Variants in ABCA5 observed in about 807,000 individuals in gnomAD.
ABCA5 encodes cholesterol transporter ABCA5.
A neutral mutation model predicts 206.0 loss-of-function variants in ABCA5; 163 were observed. The ratio of observed to expected loss-of-function variants is 0.79; its 90% CI spans 0.70 to 0.90. The LOEUF (loss-of-function observed/expected upper bound fraction) is 0.90, where lower values mean the gene tolerates loss of function less well. ABCA5 is among the 40% of genes least tolerant of loss of function. ABCA5 has a pLI of 0.00. For missense variants in ABCA5, 1,859 were observed against 1,912.9 expected (o/e 0.97, Z 0.53); for synonymous variants, 609 against 613.8 (o/e 0.99, Z 0.11).
chr17:69,271,650 C>T (rs2075275427), intron 20 of ABCA5, among the ~76,000 whole-genome samples: 1 of 151,914 alleles, frequency 6.6e-6, no homozygotes, highest in African/African-American at 2.4e-5. Flanking sequence ...GCTGCTGCTG[C>T]TGCTGCTGCC....
At chr17:69,282,038 G>A (rs917586023) in intron 18 of ABCA5, among the ~76,000 whole-genome samples, 1 of 152,046 alleles carries the variant, frequency 6.6e-6, no homozygotes, top group Non-Finnish European at 1.5e-5. Context: ...TGTTCTTACC[G>A]TAAACTGAAT....
chr17:69,264,699 C>G (rs780200161), intron 24 of ABCA5, 36 bp downstream of exon 24: 1 of 1,340,784 alleles, frequency 7.5e-7, no homozygotes, highest in Non-Finnish European at 9.8e-7. Flanking sequence ...AACATTCTAT[C>G]TATAAATAGC....
Position 69,251,865 on chromosome 17 carries a change from G to C in ABCA5, c.4417C>G (p.Arg1473Gly), listed in dbSNP as rs143193092. The C allele has an allele frequency of 6.2e-7, 1 of 1,612,010 alleles. No individual in the cohort carries two copies. Among genetic ancestry groups the C allele is most frequent in the South Asian group, 1.1e-5 (1 of 90,472 alleles). ...TTTTTAAATGCAGTTCGAATTGCTCGCCTATAAAACATAAATAAAACAAAA... is the reference window on the plus strand; with the variant it reads ...TTTTTAAATGCAGTTCGAATTGCTCCCCTATAAAACATAAATAAAACAAAA... The part of the protein sequence containing the change: ...MDPKAKQHMW[R>G]AIRTAFKNRK... Residue 1473 changes from arginine (R) to glycine (G), a missense_variant and splice_region_variant, in exon 35 of 39, where the codon CGA becomes GGA. Physicochemically the swap from Arg to Gly is moderately radical, Grantham distance 125. Coordinates refer to ENST00000392676, the MANE Select transcript of ABCA5 (RefSeq NM_172232.4).
At chr17:69,291,534 T>G (rs2075526411) in intron 11 of ABCA5, among the ~76,000 whole-genome samples, 2 of 152,226 alleles carry the variant, frequency 1.3e-5, no homozygotes, top group African/African-American at 4.8e-5. Context: ...TAAACTTTAT[T>G]TGTTCATACA....
In ABCA5 at chr17:69,260,364, C is replaced by T; in HGVS notation, c.3613G>A (p.Asp1205Asn). The change falls in exon 27 of 39, where the codon GAT (aspartate) becomes AAT (asparagine). Residue 1205 changes from aspartate (D) to asparagine (N), a missense_variant. Asp to Asn is a conservative substitution (Grantham distance 23, BLOSUM62 1). Coordinates refer to ENST00000392676, the MANE Select transcript of ABCA5 (RefSeq NM_172232.4). ...RKNVDTYNPW[D>N]RLSVAVISPY... The stretch of plus-strand genomic sequence containing the variant: ...GATATAACAGCTACTGAAAGCCTAT[C>T]CCATGGATTATAGGTGTCCACATTT... The T allele has an allele frequency of 1.9e-6, 3 of 1,607,604 alleles. No individual in the cohort carries two copies. Among genetic ancestry groups the T allele is most frequent in the Non-Finnish European group, 2.6e-6 (3 of 1,176,354 alleles).
At chr17:69,248,528 A>G in intron 37 of ABCA5, 1 of 317,410 alleles carries the variant, frequency 3.2e-6, no homozygotes, top group Non-Finnish European at 5.9e-6. Context: ...GTTGAATGTT[A>G]CTTGTCTTAT....
At position 69,246,875 on chromosome 17, in the gene ABCA5, T is replaced by C. The variant is rs1225922441; in HGVS notation, c.*662A>G. ...TATAATAACTAAAACCTTCTGAATT[T>C]TACTTTAAATTAAAGAAATGTAATT... On this transcript the variant is annotated 3_prime_UTR_variant, in exon 39 of 39. Coordinates refer to ENST00000392676, the MANE Select transcript of ABCA5 (RefSeq NM_172232.4). 6.6e-6 allele frequency: 1 copy of C among 151,950 alleles called. No individual in the cohort carries two copies. The highest frequency in any genetic ancestry group is 1.9e-4 in the East Asian group (1 of 5,204). 9.4% of individuals were successfully genotyped at this position (151,950 alleles called of 1,614,324 possible). A position where few individuals can be genotyped will look rare whatever the true frequency, so the allele number is the denominator to read the frequency against.
chr17:69,254,568 C>T (rs998840959), intron 31 of ABCA5, 78 bp from the exon 32 acceptor site: 5 of 1,095,218 alleles, frequency 4.6e-6, no homozygotes, highest in Non-Finnish European at 6.6e-6. Context: ...TTAATTAAAA[C>T]CCCTTCCTAC....
chr17:69,302,608 T>C (rs1406890779), intron 8 of ABCA5, 110 bp downstream of exon 8: 1 of 676,196 alleles, frequency 1.5e-6, no homozygotes, highest in Non-Finnish European at 2.1e-6. Context: ...CATGCTAAAA[T>C]TTTAAAATAA....
chr17:69,325,881 T>C (rs1474739963), intron 1 of ABCA5: 1 of 151,956 alleles, frequency 6.6e-6, no homozygotes, highest in Non-Finnish European at 1.5e-5. Flanking sequence ...TTATAGTGAA[T>C]GTAAGATTTC....
At chr17:69,311,851 C>A (rs936673359) in intron 3 of ABCA5, among the ~76,000 whole-genome samples, 3 of 152,108 alleles carry the variant, frequency 2.0e-5, no homozygotes, top group African/African-American at 7.2e-5. Flanking sequence ...AATTTCATTT[C>A]AACATTTTTA....
chr17:69,252,034 CG>C (rs1347281046), intron 34 of ABCA5, among the ~76,000 whole-genome samples, 168 bp from the exon 35 acceptor site: 7 of 61,464 alleles, frequency 1.1e-4, no homozygotes, highest in Non-Finnish European at 1.9e-4. Context: ...TTTTTTGAGA[CG>C]GAGTCTCGCT....
intron 2 of ABCA5, among the ~76,000 whole-genome samples, chr17:69,313,617 A>C (rs950524994): frequency 6.6e-6 from 1 of 152,174 alleles, no homozygotes; most frequent in African/African-American, 2.4e-5. Flanking sequence ...ATTTACTCAT[A>C]TAATTTTATC....
At chr17:69,325,072 AGTGGGAGG>A (rs779541839) in intron 1 of ABCA5, among the ~76,000 whole-genome samples, 1 of 150,762 alleles carries the variant, frequency 6.6e-6, no homozygotes, top group Non-Finnish European at 1.5e-5. Flanking sequence ...TGGCAATCCC[AGTGGGAGG>A]AAGGCTTGAG....
At chr17:69,313,880 T>C (rs1211752211) in intron 2 of ABCA5, among the ~76,000 whole-genome samples, 5 of 152,186 alleles carry the variant, frequency 3.3e-5, no homozygotes, top group African/African-American at 9.6e-5. Flanking sequence ...ACCCAAGTTC[T>C]TCCTTTCTTT....
chr17:69,277,979 T>C (rs2075352629), intron 18 of ABCA5, 137 bp from the exon 19 acceptor site: 1 of 613,848 alleles, frequency 1.6e-6, no homozygotes, highest in Non-Finnish European at 2.6e-6. Context: ...TCTGGCAGTA[T>C]CTATTAAAGC....
Position 69,254,354 on chromosome 17 carries a change from T to G in ABCA5, c.4205A>C (p.Lys1402Thr), listed in dbSNP as rs1414509999. 2.5e-6 allele frequency: 4 copies of G among 1,613,400 alleles called. No individual in the cohort carries two copies. The African/African-American group carries it at 5.3e-5, about 22-fold the overall frequency. Residue 1402 changes from lysine (K) to threonine (T), a missense_variant, in exon 32 of 39, where the codon AAA (lysine) becomes ACA (threonine). By Grantham distance (78) the Lys-to-Thr change is moderately conservative. Transcript: ENST00000392676. ...QEHFEIYGAV[K>T]GMSASDMKEV... Reference sequence around the variant, plus strand: ...TTTCATGTCACTTGCACTCATTCCTTTGACAGCTCCATAAATTTCAAAATG... The same window carrying G: ...TTTCATGTCACTTGCACTCATTCCTGTGACAGCTCCATAAATTTCAAAATG...
intron 23 of ABCA5, among the ~76,000 whole-genome samples, chr17:69,265,602 C>T (rs944166847): frequency 2.0e-5 from 3 of 151,846 alleles, no homozygotes; most frequent in African/African-American, 7.3e-5. Flanking sequence ...AAAATATCTA[C>T]TCCTAATAAC....
Position 69,244,491 on chromosome 17 carries a change from T to C in ABCA5, c.*3046A>G, listed in dbSNP as rs548285254. 6.6e-5 allele frequency: 10 copies of C among 151,910 alleles called. No individual in the cohort carries two copies. In the South Asian group the frequency reaches 1.7e-3, roughly 25 times the overall value. 9.4% of individuals were successfully genotyped at this position (151,910 alleles called of 1,614,324 possible). A position where few individuals can be genotyped will look rare whatever the true frequency, so the allele number is the denominator to read the frequency against. ...CTTAAAGAGCAGCATTGAGAATTGC[T>C]TACATATATTATAAATAAAAAATAA... On this transcript the variant is annotated 3_prime_UTR_variant, in exon 39 of 39. Transcript: ENST00000392676.
Sources: gnomAD v4.1 joint callset for allele counts (sites outside exome capture counted in the v4.1 genomes callset) on GRCh38, gnomAD v4.1.1 for gene constraint, MANE v1.5 for transcripts, NCBI Gene and HGNC (gene_info 2026-07-23, HGNC 2026-07-21) for gene names.